CXXC4: variants seen among roughly 807,000 people sequenced by gnomAD.
CXXC4 encodes the protein CXXC-type zinc finger protein 4.
CXXC4 carries 5 observed loss-of-function variants against 20.5 expected under a neutral mutation model. That is an observed-to-expected ratio of 0.24 (90% CI 0.13 to 0.51). CXXC4 has a LOEUF of 0.51. Among genes scored for constraint, CXXC4 ranks in the 20% least tolerant of loss-of-function variants. The probability of loss-of-function intolerance (pLI) is 0.97; values close to 1 mark genes in which losing one functional copy is unlikely to be tolerated. For synonymous variants in CXXC4, 250 were observed against 216.4 expected, an observed-to-expected ratio of 1.16 and a Z score of -1.36; for missense variants, 419 against 496.4, an observed-to-expected ratio of 0.84 and a Z score of 1.48.
At chr4:104,489,139 T>C (rs952100981) in intron 2 of CXXC4, among the ~76,000 whole-genome samples, 22 of 152,234 alleles carry the variant, frequency 1.4e-4, no homozygotes, top group African/African-American at 5.1e-4. Context: ...GCTATTATAT[T>C]TGCACAAAGA....
chr4:104,490,927 TGAGGAG>T lies in CXXC4; in HGVS notation c.870_875del (p.Ser291_Ser292del). On this transcript the variant is annotated inframe_deletion, in exon 2 of 3. Coordinates refer to ENST00000394767, the MANE Select transcript of CXXC4 (RefSeq NM_025212.4). ...CTGGGTTGGCTCCGCCAGCTCCCCC[TGAGGAG>T]GACGAGGAGGAGGAGGAATGATTCT... The T allele has an allele frequency of 6.2e-7, 1 of 1,614,024 alleles. No homozygotes were observed. The highest frequency in any genetic ancestry group is 8.5e-7 in the Non-Finnish European group (1 of 1,179,984).
intron 2 of CXXC4, among the ~76,000 whole-genome samples, chr4:104,490,029 A>T (rs1381450848): frequency 6.6e-6 from 1 of 152,228 alleles, no homozygotes; most frequent in African/African-American, 2.4e-5. Flanking sequence ...TTTTTAAACA[A>T]AATCACTCTT....
At chr4:104,490,677 C>T (rs1182976489) in intron 2 of CXXC4, 67 bp downstream of exon 2, 2 of 1,363,142 alleles carry the variant, frequency 1.5e-6, no homozygotes, top group African/African-American at 2.9e-5. Flanking sequence ...GACAAGAATC[C>T]CTGAAGGGGA....
chr4:104,488,227 A>C (rs1391257886), intron 2 of CXXC4, among the ~76,000 whole-genome samples: 3 of 152,170 alleles, frequency 2.0e-5, no homozygotes, highest in Non-Finnish European at 4.4e-5. Context: ...CCAATCTCTA[A>C]AACATTTTCC....
At chr4:104,475,932 T>A (rs1736392102) in intron 2 of CXXC4, among the ~76,000 whole-genome samples, 1 of 152,192 alleles carries the variant, frequency 6.6e-6, no homozygotes, top group Admixed American at 6.6e-5. Context: ...CAAACAGCCG[T>A]CTTGCTCCCA....
chr4:104,494,737 G>T lies in CXXC4; in HGVS notation c.-294C>A, dbSNP rs1736997554. On this transcript the variant is annotated 5_prime_UTR_variant, in exon 1 of 3. Coordinates refer to ENST00000394767, the MANE Select transcript of CXXC4 (RefSeq NM_025212.4). Reference sequence around the variant, plus strand: ...TTTTTTTTCTTGTTGCAGAGAGAAGGAGGAGGAGATGGTGTTAGTGGTGGG... The same window carrying T: ...TTTTTTTTCTTGTTGCAGAGAGAAGTAGGAGGAGATGGTGTTAGTGGTGGG... 6.8e-6 allele frequency: 1 copy of T among 147,550 alleles called. No homozygotes were observed. Among genetic ancestry groups the T allele is most frequent in the Non-Finnish European group, 1.5e-5 (1 of 66,696 alleles). The allele number at this position is 147,550 out of a possible 1,614,324, so 9.1% of individuals were successfully genotyped here. A position where few individuals can be genotyped will look rare whatever the true frequency, so the allele number is the denominator to read the frequency against.
intron 2 of CXXC4, among the ~76,000 whole-genome samples, chr4:104,477,528 A>G (rs1468435066): frequency 6.6e-6 from 1 of 152,160 alleles, no homozygotes; most frequent in African/African-American, 2.4e-5. Context: ...CACCTCCCCC[A>G]CAAGTTTTTA....
At chr4:104,493,906 G>C (rs1201253558) in intron 1 of CXXC4, among the ~76,000 whole-genome samples, 2 of 152,198 alleles carry the variant, frequency 1.3e-5, no homozygotes, top group Admixed American at 6.5e-5. Flanking sequence ...ACATTGAGTG[G>C]AGGGAAAATT....
rs562928312 is a variant in CXXC4 at position 104,471,983 on chromosome 4, G to A, written c.*339C>T. ...AAAATGAAGTATAGATATGTACTTTGCAAAGATACATGATTTTACAGCAGG... is the reference window on the plus strand; with the variant it reads ...AAAATGAAGTATAGATATGTACTTTACAAAGATACATGATTTTACAGCAGG... On this transcript the variant is annotated 3_prime_UTR_variant, in exon 3 of 3. Coordinates refer to ENST00000394767, the MANE Select transcript of CXXC4 (RefSeq NM_025212.4). 1 of 194,174 alleles carries A rather than the reference G, an allele frequency of 5.2e-6. No homozygotes were observed. Among genetic ancestry groups the A allele is most frequent in the East Asian group, 1.3e-4 (1 of 7,658 alleles). 12.0% of individuals were successfully genotyped at this position (194,174 alleles called of 1,614,324 possible).
chr4:104,478,053 T>C (rs1441308099), intron 2 of CXXC4, among the ~76,000 whole-genome samples: 1 of 152,160 alleles, frequency 6.6e-6, no homozygotes, highest in East Asian at 1.9e-4. Flanking sequence ...AGGCTTTAAA[T>C]ATGATTTTAA....
chr4:104,481,464 T>C (rs1317114737), intron 2 of CXXC4, among the ~76,000 whole-genome samples: 2 of 150,770 alleles, frequency 1.3e-5, no homozygotes, highest in African/African-American at 4.9e-5. Context: ...ATGCAGGAAG[T>C]AGAGGTTGCA....
intron 2 of CXXC4, among the ~76,000 whole-genome samples, chr4:104,474,797 C>T (rs749487961): frequency 5.9e-5 from 9 of 152,010 alleles, no homozygotes; most frequent in East Asian, 3.9e-4. Context: ...TATATGTTTA[C>T]GAAGATAAAC....
chr4:104,485,623 T>C (rs1051665107), intron 2 of CXXC4, among the ~76,000 whole-genome samples: 4 of 152,118 alleles, frequency 2.6e-5, no homozygotes, highest in Non-Finnish European at 5.9e-5. Context: ...GATACTCAAA[T>C]AGTATAATGT....
At chr4:104,473,547 C>T (rs1256405947) in intron 2 of CXXC4, among the ~76,000 whole-genome samples, 1 of 151,808 alleles carries the variant, frequency 6.6e-6, no homozygotes, top group Non-Finnish European at 1.5e-5. Flanking sequence ...ATAAAACAAT[C>T]ACATGAATAT....
rs567783662 is a variant in CXXC4, at chr4:104,491,695, G to A, written c.108C>T (p.Asn36=). 22 of 1,547,028 alleles carry A rather than the reference G, an allele frequency of 1.4e-5. No individual in the cohort carries two copies. The highest frequency in any genetic ancestry group is 1.1e-4 in the African/African-American group (8 of 72,778). Residue 36 remains asparagine, a synonymous_variant, in exon 2 of 3, where the codon AAC becomes AAT. Coordinates refer to ENST00000394767, the MANE Select transcript of CXXC4 (RefSeq NM_025212.4). ...AGGAGCGGTAGCGCTCCATTTCCGA[G>A]TTGTAATCCACAAGGCTGTTCAGAG... ...EGALNSLVDY[N]SEMERYRSFA...
chr4:104,491,644 G>A lies in CXXC4; in HGVS notation c.159C>T (p.Asn53=). The A allele has an allele frequency of 6.5e-7, 1 of 1,542,086 alleles. No homozygotes were observed. The highest frequency in any genetic ancestry group is 8.7e-7 in the Non-Finnish European group (1 of 1,143,300). Residue 53 remains asparagine (N), a synonymous_variant, in exon 2 of 3, where the codon AAC becomes AAT. Transcript: ENST00000394767. ...RSFATSFYKT[N]GGAFPQAAKI... is the part of the protein sequence containing the mutation. ...TGGCCGCCTGTGGGAAGGCGCCCCC[G>A]TTGGTCTTGTAGAAGGAGGTGGCAA...
chr4:104,482,119 T>C (rs1736572345), intron 2 of CXXC4, among the ~76,000 whole-genome samples: 1 of 152,212 alleles, frequency 6.6e-6, no homozygotes, highest in Non-Finnish European at 1.5e-5. Context: ...TATTACTACA[T>C]GTGATAAACT....
At position 104,490,599 on chromosome 4, in the gene CXXC4, C is replaced by A. The variant is rs915017821; in HGVS notation, c.1059+145G>T. ...CGGGTGGTGGAGAGGCCAAGCCTTTCGCAAACCACCTACAACTCTTACCAC... is the reference window on the plus strand; with the variant it reads ...CGGGTGGTGGAGAGGCCAAGCCTTTAGCAAACCACCTACAACTCTTACCAC... On this transcript the variant is annotated intron_variant, in intron 2 of 2. Transcript: ENST00000394767. 3 of 766,346 alleles carry A rather than the reference C, an allele frequency of 3.9e-6. No individual in the cohort carries two copies. In the African/African-American group the frequency reaches 5.3e-5, roughly 13 times the overall value. 47.5% of individuals were successfully genotyped at this position (766,346 alleles called of 1,614,324 possible).
rs984572865 is a variant in CXXC4 at position 104,471,573 on chromosome 4, A to G, written c.*749T>C. 4 of 152,088 alleles carry G rather than the reference A, an allele frequency of 2.6e-5. No homozygotes were observed. Among genetic ancestry groups the G allele is most frequent in the Admixed American group, 2.6e-4 (4 of 15,236 alleles). 9.4% of individuals were successfully genotyped at this position (152,088 alleles called of 1,614,324 possible). A position where few individuals can be genotyped will look rare whatever the true frequency, so the allele number is the denominator to read the frequency against. ...TACCCTTCTGTACAGCTCGTTTGTAAGCAATGCAAGTGCATAACCACTACT... is the reference window on the plus strand; with the variant it reads ...TACCCTTCTGTACAGCTCGTTTGTAGGCAATGCAAGTGCATAACCACTACT... On this transcript the variant is annotated 3_prime_UTR_variant, in exon 3 of 3. Coordinates refer to ENST00000394767, the MANE Select transcript of CXXC4 (RefSeq NM_025212.4).
Sources: allele counts gnomAD v4.1 joint callset (sites outside exome capture counted in the v4.1 genomes callset), GRCh38; gene constraint gnomAD v4.1.1; transcripts MANE v1.5; gene names NCBI Gene and HGNC (gene_info 2026-07-23, HGNC 2026-07-21).